Variants in RTL4 observed in about 807,000 individuals in gnomAD.
The protein encoded by RTL4 is retrotransposon Gag like 4, also known as retrotransposon Gag-like protein 4.
A neutral mutation model predicts 5.3 loss-of-function variants in RTL4; 4 were observed. That is an observed-to-expected ratio of 0.75 (90% CI 0.37 to 1.72). The LOEUF (loss-of-function observed/expected upper bound fraction) is 1.72. RTL4 is among the 40% of genes most tolerant of loss of function. The probability of loss-of-function intolerance (pLI) is 0.04; values close to 1 mark genes in which losing one functional copy is unlikely to be tolerated. For synonymous variants in RTL4, 98 were observed against 87.3 expected, an observed-to-expected ratio of 1.12 and a Z score of -0.68; for missense variants, 260 against 227.1, an observed-to-expected ratio of 1.14 and a Z score of -0.93.
chrX:112,265,000 T>C, the RTL4 span, among the ~76,000 whole-genome samples: 210 of 112,295 alleles, frequency 1.9e-3, 1 homozygote, highest in African/African-American at 6.4e-3. Flanking sequence ...GGGGTCCTGG[T>C]TATTGGCACC....
At chrX:112,330,593 A>G in the RTL4 span, among the ~76,000 whole-genome samples, 1 of 110,911 alleles carries the variant, frequency 9.0e-6, no homozygotes, top group Non-Finnish European at 1.9e-5. Context: ...AAGGTAATTT[A>G]CAGATTCAAT....
the RTL4 span, among the ~76,000 whole-genome samples, chrX:112,409,339 A>G: frequency 8.9e-6 from 1 of 112,224 alleles, no homozygotes; most frequent in Non-Finnish European, 1.9e-5. Flanking sequence ...TTAAGTTGTT[A>G]TCAGTTTAAA....
At chrX:112,327,839 T>G in the RTL4 span, among the ~76,000 whole-genome samples, 81 of 111,406 alleles carry the variant, frequency 7.3e-4, no homozygotes, top group East Asian at 2.0e-3. Context: ...AGAAGAGAGT[T>G]GGGGCCAATA....
At chrX:112,219,721 CA>C in the RTL4 span, among the ~76,000 whole-genome samples, 1 of 112,043 alleles carries the variant, frequency 8.9e-6, no homozygotes, top group Non-Finnish European at 1.9e-5. Flanking sequence ...TGAATCACAA[CA>C]AAACATGTAC....
At chrX:112,339,859 T>C in the RTL4 span, among the ~76,000 whole-genome samples, 766 of 112,761 alleles carry the variant, frequency 6.8e-3, 4 homozygotes, top group African/African-American at 0.023. Flanking sequence ...GGATATATGG[T>C]CTCTGTTGCA....
At chrX:112,286,665 A>G in the RTL4 span, among the ~76,000 whole-genome samples, 3 of 111,565 alleles carry the variant, frequency 2.7e-5, no homozygotes, top group Non-Finnish European at 5.7e-5. Context: ...ACTACCATCC[A>G]TCCAATTTCA....
At chrX:112,401,303 T>C in the RTL4 span, among the ~76,000 whole-genome samples, 1 of 111,496 alleles carries the variant, frequency 9.0e-6, no homozygotes, top group South Asian at 3.8e-4. Context: ...TATATGTCTC[T>C]ATTCTTATCT....
chrX:112,275,706 C>T, the RTL4 span, among the ~76,000 whole-genome samples: 34 of 111,367 alleles, frequency 3.1e-4, no homozygotes, highest in African/African-American at 8.5e-4. Context: ...GAGGCCAAGG[C>T]GGGCAGATTG....
chrX:112,314,111 A>C, the RTL4 span, among the ~76,000 whole-genome samples: 1 of 112,030 alleles, frequency 8.9e-6, no homozygotes, highest in African/African-American at 3.2e-5. Context: ...AATATCAGTT[A>C]AACGCCAAGT....
chrX:112,148,169 T>C, the RTL4 span, among the ~76,000 whole-genome samples: 1 of 109,977 alleles, frequency 9.1e-6, no homozygotes, highest in African/African-American at 3.3e-5. Flanking sequence ...TGGTGCTTCC[T>C]GCTCATTTGC....
chrX:112,088,368 G>C, the RTL4 span, among the ~76,000 whole-genome samples: 1 of 111,467 alleles, frequency 9.0e-6, no homozygotes, highest in East Asian at 2.8e-4. Context: ...GTCCATCTGT[G>C]TTGTAGCATA....
the RTL4 span, among the ~76,000 whole-genome samples, chrX:112,345,933 G>T: frequency 9.0e-6 from 1 of 111,568 alleles, no homozygotes; most frequent in South Asian, 3.7e-4. Context: ...TAATGAAAAA[G>T]GATGTTTATG....
At chrX:112,151,041 C>G in the RTL4 span, among the ~76,000 whole-genome samples, 2 of 111,887 alleles carry the variant, frequency 1.8e-5, no homozygotes, top group Non-Finnish European at 3.8e-5. Context: ...GATCTAGCCA[C>G]GCTGTCTGAA....
chrX:112,175,160 T>G, the RTL4 span, among the ~76,000 whole-genome samples: 1 of 107,612 alleles, frequency 9.3e-6, no homozygotes, highest in East Asian at 2.9e-4. Flanking sequence ...TGCCCATGCC[T>G]ATGTCCTGAA....
At chrX:112,306,587 T>G in the RTL4 span, among the ~76,000 whole-genome samples, 1 of 111,383 alleles carries the variant, frequency 9.0e-6, no homozygotes, top group South Asian at 3.8e-4. Flanking sequence ...AGCATGCTTT[T>G]CTTTTAATTG....
chrX:112,274,762 T>C, the RTL4 span, among the ~76,000 whole-genome samples: 1 of 111,749 alleles, frequency 8.9e-6, no homozygotes. Flanking sequence ...TAATCCTTAT[T>C]TTTCTGCTTT....
At chrX:112,211,157 T>G in the RTL4 span, among the ~76,000 whole-genome samples, 4 of 112,182 alleles carry the variant, frequency 3.6e-5, no homozygotes, top group African/African-American at 1.3e-4. Flanking sequence ...AAGCTCACAG[T>G]CATAAATAGA....
At chrX:112,109,499 G>A in the RTL4 span, among the ~76,000 whole-genome samples, 1 of 111,510 alleles carries the variant, frequency 9.0e-6, no homozygotes, top group African/African-American at 3.3e-5. Flanking sequence ...TCCATTTTAA[G>A]AGAGTGCTGA....
At chrX:112,236,934 G>A in the RTL4 span, among the ~76,000 whole-genome samples, 29 of 111,234 alleles carry the variant, frequency 2.6e-4, no homozygotes, top group Non-Finnish European at 5.1e-4. Context: ...AGGGCCAGAG[G>A]GTCAAACACA....
Sources: gnomAD v4.1 joint callset for allele counts (sites outside exome capture counted in the v4.1 genomes callset) on GRCh38, gnomAD v4.1.1 for gene constraint, MANE v1.5 for transcripts, NCBI Gene and HGNC (gene_info 2026-07-23, HGNC 2026-07-21) for gene names.